DZANK1: variants seen among roughly 807,000 people sequenced by gnomAD.
DZANK1 encodes the protein double zinc ribbon and ankyrin repeat domains 1, also known as double zinc ribbon and ankyrin repeat-containing protein 1.
DZANK1 carries 91 observed loss-of-function variants against 94.5 expected under a neutral mutation model. The observed-to-expected ratio is 0.96, with a 90% CI of 0.81 to 1.15. The LOEUF (loss-of-function observed/expected upper bound fraction) is 1.15. DZANK1 is among the 50% of genes most tolerant of loss of function. The pLI is 0.00. For missense variants in DZANK1, 903 were observed against 916.4 expected (o/e 0.99, Z 0.19); for synonymous variants, 312 against 325.3 (o/e 0.96, Z 0.44).
At chr20:18,446,984 A>C (rs1216482727) in intron 7 of DZANK1, among the ~76,000 whole-genome samples, 1 of 152,262 alleles carries the variant, frequency 6.6e-6, no homozygotes. Context: ...TAAAATAGAT[A>C]ACACTTCAGG....
chr20:18,431,851 G>A (rs2058298104), intron 9 of DZANK1, among the ~76,000 whole-genome samples: 1 of 152,074 alleles, frequency 6.6e-6, no homozygotes, highest in Non-Finnish European at 1.5e-5. Flanking sequence ...AAAGTTTTGA[G>A]GCACATTTTC....
intron 8 of DZANK1, among the ~76,000 whole-genome samples, chr20:18,439,133 C>T (rs951366512): frequency 1.3e-5 from 2 of 152,200 alleles, no homozygotes; most frequent in African/African-American, 2.4e-5. Context: ...TGGGGGACCA[C>T]AGTGGTGTTC....
At chr20:18,384,686 T>G in intron 20 of DZANK1, 122 bp from the exon 21 acceptor site, 1 of 1,074,828 alleles carries the variant, frequency 9.3e-7, no homozygotes, top group Non-Finnish European at 1.3e-6. Flanking sequence ...TCCCCAAACC[T>G]CTCCCCAAGA....
At chr20:18,443,973 T>C (rs1315332934) in intron 7 of DZANK1, among the ~76,000 whole-genome samples, 1 of 152,220 alleles carries the variant, frequency 6.6e-6, no homozygotes, top group Admixed American at 6.5e-5. Context: ...GCCCCATTTC[T>C]TATGCAGCTG....
At chr20:18,438,373 T>C (rs1277922923) in intron 8 of DZANK1, among the ~76,000 whole-genome samples, 1 of 151,962 alleles carries the variant, frequency 6.6e-6, no homozygotes, top group Non-Finnish European at 1.5e-5. Flanking sequence ...TGACTAAATA[T>C]CACATTCAAA....
intron 6 of DZANK1, chr20:18,451,770 C>T: frequency 2.2e-6 from 1 of 446,478 alleles, no homozygotes; most frequent in East Asian, 5.8e-5. Flanking sequence ...CCCCTTCCCT[C>T]TCATCCGTCG....
chr20:18,434,971 G>C (rs1040023976), intron 8 of DZANK1, among the ~76,000 whole-genome samples: 1 of 152,186 alleles, frequency 6.6e-6, no homozygotes, highest in African/African-American at 2.4e-5. Flanking sequence ...GTAATTCAAT[G>C]ATAGGGGCTT....
intron 2 of DZANK1, among the ~76,000 whole-genome samples, chr20:18,461,010 G>C (rs980706364): frequency 6.6e-6 from 1 of 152,140 alleles, no homozygotes; most frequent in Non-Finnish European, 1.5e-5. Context: ...CTGCTAGGTT[G>C]GATACATAGC....
intron 9 of DZANK1, chr20:18,432,998 A>G (rs923605096): frequency 6.6e-6 from 1 of 152,234 alleles, no homozygotes; most frequent in Non-Finnish European, 1.5e-5. Context: ...AATAAGGCAA[A>G]CAAAAGTATG....
intron 19 of DZANK1, among the ~76,000 whole-genome samples, chr20:18,389,165 G>A (rs943824830): frequency 1.3e-5 from 2 of 152,214 alleles, no homozygotes; most frequent in African/African-American, 4.8e-5. Flanking sequence ...GACTGGGAGG[G>A]TAAGTAACAG....
At chr20:18,403,494 A>G (rs1345329724) in intron 13 of DZANK1, among the ~76,000 whole-genome samples, 1 of 152,192 alleles carries the variant, frequency 6.6e-6, no homozygotes, top group East Asian at 1.9e-4. Context: ...ATTTGTAACA[A>G]AGTGTGGGAA....
exon 15 of DZANK1, chr20:18,396,526 G>A (rs764179560): frequency 8.1e-6 from 13 of 1,613,224 alleles, no homozygotes; most frequent in Middle Eastern, 1.6e-4. Context: ...AACCATCTTC[G>A]TGGACAGTAG....
intron 14 of DZANK1, 26 bp downstream of exon 14, chr20:18,398,497 T>C: frequency 3.1e-6 from 5 of 1,607,124 alleles, no homozygotes; most frequent in Non-Finnish European, 4.3e-6. Flanking sequence ...TGGACACTTG[T>C]GGAGTGGAAA....
rs75206517 is a variant in DZANK1, at chr20:18,445,556, C to T, written c.630-2092G>A. ...ACATTCTTTTAAAGTGTACATAGAA[C>T]ATTTACCAATCAAATCATATATCTT... is the stretch of plus-strand genomic sequence containing the variant. On this transcript the variant is annotated intron_variant, in intron 7 of 20. Coordinates refer to ENST00000262547, the Ensembl canonical transcript of DZANK1. 1.7e-3 allele frequency among the ~76,000 whole-genome samples: 252 copies of T among 152,238 alleles called. 2 individuals are homozygous for T. The highest frequency in any genetic ancestry group is 5.5e-3 in the African/African-American group (230 of 41,544).
chr20:18,433,982 T>C (rs1253707392), intron 8 of DZANK1: 1 of 515,410 alleles, frequency 1.9e-6, no homozygotes, highest in Non-Finnish European at 3.4e-6. Flanking sequence ...ATTACCTTTA[T>C]GATGGATATG....
chr20:18,393,818 T>C lies in DZANK1; in HGVS notation c.1709-7A>G, dbSNP rs1188413051. 5 of 1,597,330 alleles carry C rather than the reference T, an allele frequency of 3.1e-6. No homozygotes were observed. Among genetic ancestry groups the C allele is most frequent in the East Asian group, 2.2e-5 (1 of 44,748 alleles). ...CTCTGGCTGTAGTCACTCACTGAAA[T>C]GACACAGTTGGGGAAAAAAATGATG... On this transcript the variant is annotated splice_polypyrimidine_tract_variant and splice_region_variant and intron_variant, in intron 16 of 20. Coordinates refer to ENST00000262547, the Ensembl canonical transcript of DZANK1.
intron 7 of DZANK1, among the ~76,000 whole-genome samples, chr20:18,446,433 CTGTT>C (rs1264755222): frequency 6.6e-6 from 1 of 152,152 alleles, no homozygotes; most frequent in Non-Finnish European, 1.5e-5. Context: ...TAATTAGAAA[CTGTT>C]TGAACTGAAT....
chr20:18,453,963 T>C, intron 4 of DZANK1, 136 bp from the exon 5 acceptor site: 1 of 767,172 alleles, frequency 1.3e-6, no homozygotes, highest in Non-Finnish European at 2.4e-6. Flanking sequence ...GTGACCCCTG[T>C]TTCACTTTAT....
At chr20:18,449,044 C>T in exon 7 of DZANK1, 2 of 1,613,818 alleles carry the variant, frequency 1.2e-6, no homozygotes, top group Non-Finnish European at 1.7e-6. Context: ...ACACTTCTGA[C>T]CGCTTACGTG....
Sources: allele counts gnomAD v4.1 joint callset (sites outside exome capture counted in the v4.1 genomes callset), GRCh38; gene constraint gnomAD v4.1.1; transcripts MANE v1.5; gene names NCBI Gene and HGNC (gene_info 2026-07-23, HGNC 2026-07-21).